GPM6B: variants seen among roughly 807,000 people sequenced by gnomAD.
The protein encoded by GPM6B is neuronal membrane glycoprotein M6-b.
GPM6B carries 4 observed loss-of-function variants against 27.2 expected under a neutral mutation model. That is an observed-to-expected ratio of 0.15 (90% confidence interval 0.07 to 0.34). The LOEUF (loss-of-function observed/expected upper bound fraction) is 0.34. GPM6B is among the 10% of genes least tolerant of loss of function. The pLI is 1.00. For missense variants in GPM6B, 183 were observed against 261.9 expected (o/e 0.70, Z 2.08); for synonymous variants, 124 against 103.1 (o/e 1.20, Z -1.23).
At chrX:13,936,537 T>C (rs1215893573) in intron 1 of GPM6B, among the ~76,000 whole-genome samples, 1 of 112,021 alleles carries the variant, frequency 8.9e-6, no homozygotes, top group Non-Finnish European at 1.9e-5. Context: ...TCTGGAAAAA[T>C]AAAACCAGTT....
intron 1 of GPM6B, among the ~76,000 whole-genome samples, chrX:13,930,981 C>G (rs918817442): frequency 3.6e-5 from 4 of 110,482 alleles, no homozygotes; most frequent in African/African-American, 1.3e-4. Context: ...GTCAGTAGCT[C>G]AAGACCAGCC....
Position 13,908,053 on chromosome X carries a change from T to C in GPM6B, c.-198+30274A>G, listed in dbSNP as rs954910723. The stretch of plus-strand genomic sequence containing the variant: ...TAATTCCTCCCATCTCACTCTTATA[T>C]TGTGATATGGCACATGAGTGGTATC... On this transcript the variant is annotated intron_variant, in intron 1 of 6. Transcript: ENST00000398361. 5.3e-5 allele frequency among the ~76,000 whole-genome samples: 6 copies of C among 112,182 alleles called. No homozygotes were observed. The East Asian group carries it at 8.4e-4, about 16-fold the overall frequency.
chrX:13,774,000 TTTC>T (rs2048357668), intron 7 of GPM6B: 1 of 685,718 alleles, frequency 1.5e-6, no homozygotes, highest in African/African-American at 2.5e-5. Context: ...GGGTGACCTT[TTTC>T]TTCAAATTTT....
chrX:13,790,647 C>T (rs1168844829), intron 2 of GPM6B, among the ~76,000 whole-genome samples: 1 of 112,048 alleles, frequency 8.9e-6, no homozygotes, highest in Non-Finnish European at 1.9e-5. Flanking sequence ...CATAACCCTC[C>T]AGTCACTTGT....
intron 1 of GPM6B, among the ~76,000 whole-genome samples, chrX:13,845,380 A>G (rs776011150): frequency 8.9e-6 from 1 of 111,817 alleles, no homozygotes; most frequent in South Asian, 3.7e-4. Context: ...GCCAATTTCC[A>G]TCTCACGTAA....
rs1602957238 is a variant in GPM6B, at chrX:13,773,088, C to G, written c.838-58G>C. 8 of 1,073,002 alleles carry G rather than the reference C, an allele frequency of 7.5e-6. No individual in the cohort carries two copies. The East Asian group carries it at 2.4e-4, about 32-fold the overall frequency. The allele number at this position is 1,073,002 out of a possible 1,213,427, so 88.4% of individuals were successfully genotyped here. On this transcript the variant is annotated intron_variant, in intron 7 of 7. Transcript: ENST00000316715. ...AGCATTGTGAGAAGGCAAAGCGAGG[C>G]GCTAGTTAGATTAGACAGACTTGAC... is the stretch of plus-strand genomic sequence containing the variant.
intron 1 of GPM6B, among the ~76,000 whole-genome samples, chrX:13,822,526 C>T (rs2049322377): frequency 9.1e-6 from 1 of 109,544 alleles, no homozygotes; most frequent in Admixed American, 9.7e-5. Flanking sequence ...GCCACCACGC[C>T]CAGCTAATTT....
chrX:13,779,644 TG>T (rs1251353016), intron 5 of GPM6B, among the ~76,000 whole-genome samples, 173 bp downstream of exon 5: 2 of 111,629 alleles, frequency 1.8e-5, no homozygotes, highest in Non-Finnish European at 3.8e-5. Flanking sequence ...AAAGCCTCCC[TG>T]AAGTTTCCAC....
At position 13,809,993 on chromosome X, in the gene GPM6B, C is replaced by CTA. The variant is rs1435664077; in HGVS notation, c.62-2226_62-2225dup. On this transcript the variant is annotated intron_variant, in intron 1 of 7. Coordinates refer to ENST00000316715, the MANE Select transcript of GPM6B (RefSeq NM_001001995.3). The stretch of plus-strand genomic sequence containing the variant: ...ATTAGCCGGGCATGGTGGCATACGC[C>CTA]TATAGTCCCAGCTACTCTGGAGGCT... Among the ~76,000 whole-genome samples, 4 of 105,873 alleles carry CTA rather than the reference C, an allele frequency of 3.8e-5. No individual in the cohort carries two copies. In the Admixed American group the frequency reaches 4.1e-4, roughly 11 times the overall value. The allele number at this position is 105,873 out of a possible 115,157, so 91.9% of individuals were successfully genotyped here. A position where few individuals can be genotyped will look rare whatever the true frequency, so the allele number is the denominator to read the frequency against.
chrX:13,802,650 G>A (rs904171998), intron 2 of GPM6B, among the ~76,000 whole-genome samples: 1 of 111,355 alleles, frequency 9.0e-6, no homozygotes, highest in Non-Finnish European at 1.9e-5. Flanking sequence ...AACTGCAGGT[G>A]CTTTGAAAAT....
intron 1 of GPM6B, among the ~76,000 whole-genome samples, chrX:13,815,551 T>C (rs2049218573): frequency 9.0e-6 from 1 of 111,298 alleles, no homozygotes. Flanking sequence ...ACAAACGATT[T>C]TAAAATTAAG....
chrX:13,823,463 G>A (rs1306318010), intron 1 of GPM6B, among the ~76,000 whole-genome samples: 1 of 110,943 alleles, frequency 9.0e-6, no homozygotes, highest in African/African-American at 3.3e-5. Context: ...TTTGGCAAAA[G>A]CCAACTTGAG....
At chrX:13,931,245 G>A (rs1921508173) in intron 1 of GPM6B, among the ~76,000 whole-genome samples, 1 of 108,959 alleles carries the variant, frequency 9.2e-6, no homozygotes, top group Non-Finnish European at 1.9e-5. Context: ...AATCCATCAT[G>A]CCTGTAATCC....
At chrX:13,926,131 C>T (rs765518207) in intron 1 of GPM6B, among the ~76,000 whole-genome samples, 2 of 107,697 alleles carry the variant, frequency 1.9e-5, no homozygotes, top group Non-Finnish European at 1.9e-5. Context: ...GAGCATAAAA[C>T]GCTGATTCCA....
chrX:13,840,826 G>GTGTGTA (rs1357289333), intron 1 of GPM6B, among the ~76,000 whole-genome samples: 58 of 112,156 alleles, frequency 5.2e-4, no homozygotes, highest in African/African-American at 1.8e-3. Flanking sequence ...GTGTGTGTGT[G>GTGTGTA]TGTATGTAGG....
intron 1 of GPM6B, among the ~76,000 whole-genome samples, chrX:13,931,722 T>C (rs1921575273): frequency 9.0e-6 from 1 of 111,556 alleles, no homozygotes; most frequent in Admixed American, 9.5e-5. Context: ...TATGTGTCCA[T>C]TTGTAATCAA....
intron 1 of GPM6B, among the ~76,000 whole-genome samples, chrX:13,893,041 C>T (rs2050201971): frequency 9.0e-6 from 1 of 111,646 alleles, no homozygotes; most frequent in Admixed American, 9.6e-5. Flanking sequence ...AAAACAAATA[C>T]ATAATAAACA....
intron 1 of GPM6B, among the ~76,000 whole-genome samples, chrX:13,887,690 A>C (rs958686847): frequency 8.9e-6 from 1 of 112,029 alleles, no homozygotes; most frequent in Non-Finnish European, 1.9e-5. Flanking sequence ...TGGAGGGAGA[A>C]AAGAGTGGTG....
At chrX:13,828,337 A>C (rs140243991) in intron 1 of GPM6B, among the ~76,000 whole-genome samples, 1,997 of 110,411 alleles carry the variant, frequency 0.018, 45 homozygotes, top group African/African-American at 0.063. Context: ...GTGGTTTCAT[A>C]AGAAGAGGAA....
Sources: allele counts gnomAD v4.1 joint callset (sites outside exome capture counted in the v4.1 genomes callset), GRCh38; gene constraint gnomAD v4.1.1; transcripts MANE v1.5; gene names NCBI Gene and HGNC (gene_info 2026-07-23, HGNC 2026-07-21).